The following PLXNA4 variants were observed in gnomAD, a reference collection of about 807,000 sequenced individuals.
PLXNA4 encodes the protein plexin-A4.
In PLXNA4, 44 loss-of-function variants were observed where a neutral mutation model predicts 191.8. That is an observed-to-expected ratio of 0.23 (90% CI 0.18 to 0.29). The LOEUF (loss-of-function observed/expected upper bound fraction) is 0.29, where lower values mean the gene tolerates loss of function less well. PLXNA4 is among the 10% of genes least tolerant of loss of function. The pLI is 1.00. For synonymous variants in PLXNA4, 1,082 were observed against 1,009.5 expected (o/e 1.07, Z -1.36); for missense variants, 1,800 against 2,488.8 (o/e 0.72, Z 5.89).
chr7:132,246,819 C>A (rs977396915), intron 4 of PLXNA4, among the ~76,000 whole-genome samples: 7 of 152,160 alleles, frequency 4.6e-5, no homozygotes, highest in African/African-American at 1.7e-4. Flanking sequence ...TCATCATCAT[C>A]CTCATCACCA....
At chr7:132,174,748 C>G in intron 21 of PLXNA4, 30 bp downstream of exon 21, 1 of 1,608,250 alleles carries the variant, frequency 6.2e-7, no homozygotes, top group Non-Finnish European at 8.5e-7. Flanking sequence ...CTCCCCTGCT[C>G]TAATGCCAGG....
chr7:132,445,989 C>T (rs1016107611), intron 3 of PLXNA4, among the ~76,000 whole-genome samples: 1 of 152,206 alleles, frequency 6.6e-6, no homozygotes, highest in Admixed American at 6.5e-5. Context: ...TGATGTCTCC[C>T]TGGTAGGCTT....
rs61184908 is a variant in PLXNA4, at chr7:132,508,990, G to A, written c.-86-211C>T. On this transcript the variant is annotated intron_variant, in intron 1 of 31. Transcript: ENST00000321063. The surrounding 1 kb of genome is among the most constrained non-coding windows in gnomAD (Gnocchi z 4.4). ...AGCCCCAGGAGGACACATCAGTAACGATAATGGTGGTGATGATAATGACAT... is the reference window on the plus strand; with the variant it reads ...AGCCCCAGGAGGACACATCAGTAACAATAATGGTGGTGATGATAATGACAT... 6.9e-6 allele frequency among the ~76,000 whole-genome samples: 1 copy of A among 144,328 alleles called. No individual in the cohort carries two copies. Among genetic ancestry groups the A allele is most frequent in the African/African-American group, 2.6e-5 (1 of 38,536 alleles). 94.7% of individuals were successfully genotyped at this position (144,328 alleles called of 152,430 possible).
chr7:132,228,273 C>T, intron 6 of PLXNA4, 73 bp downstream of exon 6: 3 of 1,597,008 alleles, frequency 1.9e-6, no homozygotes, highest in Non-Finnish European at 2.6e-6. Context: ...GGGCCTTGGG[C>T]TAAGGCACTT....
intron 22 of PLXNA4, among the ~76,000 whole-genome samples, chr7:132,165,790 G>A (rs1174719555): frequency 6.6e-6 from 1 of 152,074 alleles, no homozygotes; most frequent in South Asian, 2.1e-4. Context: ...GCAGGAGAAG[G>A]GTTCCATGTC....
chr7:132,603,761 C>T (rs1339719509), intron 2 of PLXNA4, among the ~76,000 whole-genome samples: 3 of 152,104 alleles, frequency 2.0e-5, no homozygotes. Flanking sequence ...GCTGTGAGGA[C>T]CGGTGTATAT....
intron 1 of PLXNA4, among the ~76,000 whole-genome samples, chr7:132,574,011 G>C (rs1802105898): frequency 6.6e-6 from 1 of 152,200 alleles, no homozygotes; most frequent in African/African-American, 2.4e-5. Flanking sequence ...AAGAGAGCCA[G>C]GAAAACGTAA....
intron 2 of PLXNA4, among the ~76,000 whole-genome samples, chr7:132,500,303 C>T (rs1345355583): frequency 6.6e-6 from 1 of 152,012 alleles, no homozygotes; most frequent in African/African-American, 2.4e-5. Context: ...ATTAGCTGGT[C>T]GTGGTGGCGC....
intron 2 of PLXNA4, among the ~76,000 whole-genome samples, chr7:132,614,105 T>G (rs1803105885): frequency 6.6e-6 from 1 of 152,238 alleles, no homozygotes; most frequent in Admixed American, 6.5e-5. Context: ...TGAGTCACAT[T>G]TTTCTAGTAG....
At chr7:132,465,978 A>C (rs1391434594) in intron 3 of PLXNA4, among the ~76,000 whole-genome samples, 1 of 152,170 alleles carries the variant, frequency 6.6e-6, no homozygotes, top group Admixed American at 6.5e-5. Context: ...CATGGGCAAC[A>C]CAAGCCACTG....
intron 3 of PLXNA4, among the ~76,000 whole-genome samples, chr7:132,385,501 T>C (rs537223531): frequency 1.3e-5 from 2 of 152,194 alleles, no homozygotes; most frequent in Non-Finnish European, 2.9e-5. Context: ...AAATCCTGGG[T>C]CAACCAAACA....
chr7:132,401,008 C>A (rs901734130), intron 3 of PLXNA4, among the ~76,000 whole-genome samples: 3 of 152,154 alleles, frequency 2.0e-5, no homozygotes, highest in African/African-American at 7.2e-5. Flanking sequence ...AGGACTCCAG[C>A]GACCTGACAT....
At chr7:132,373,415 C>T (rs748883545) in intron 3 of PLXNA4, among the ~76,000 whole-genome samples, 57 of 152,182 alleles carry the variant, frequency 3.7e-4, no homozygotes, top group Non-Finnish European at 5.6e-4. Flanking sequence ...GCCAGGCCTC[C>T]GTAGCTCTGG....
intron 3 of PLXNA4, among the ~76,000 whole-genome samples, chr7:132,327,988 C>A (rs1013390148): frequency 3.3e-5 from 5 of 152,170 alleles, no homozygotes; most frequent in Non-Finnish European, 7.3e-5. Context: ...TAGAAGGAAA[C>A]CAGCGGCAGG....
intron 4 of PLXNA4, among the ~76,000 whole-genome samples, chr7:132,247,823 C>A (rs1435358222): frequency 6.6e-6 from 1 of 152,202 alleles, no homozygotes; most frequent in Non-Finnish European, 1.5e-5. Flanking sequence ...CAAGTCACTC[C>A]ACATGCCTGG....
chr7:132,141,878 C>T (rs562239664), intron 29 of PLXNA4, among the ~76,000 whole-genome samples: 2 of 152,216 alleles, frequency 1.3e-5, no homozygotes, highest in African/African-American at 4.8e-5. Context: ...TACAAGCAGC[C>T]ATCACCACAC....
At chr7:132,236,876 C>T (rs998773839) in intron 5 of PLXNA4, among the ~76,000 whole-genome samples, 3 of 152,180 alleles carry the variant, frequency 2.0e-5, no homozygotes, top group African/African-American at 7.2e-5. Context: ...TCCTTTCTCT[C>T]CTGCTGAGCC....
intron 1 of PLXNA4, among the ~76,000 whole-genome samples, chr7:132,540,569 C>CTTTTTTT (rs71915138): frequency 0.045 from 2,721 of 60,986 alleles, 829 homozygotes; most frequent in Non-Finnish European, 0.05. Context: ...GTGGACCGTT[C>CTTTTTTT]TTTTTTTTTT....
intron 3 of PLXNA4, among the ~76,000 whole-genome samples, chr7:132,388,353 T>A (rs1470377016): frequency 6.6e-6 from 1 of 152,046 alleles, no homozygotes; most frequent in South Asian, 2.1e-4. Context: ...GGACCCCCAA[T>A]GTTAAGTATC....
Sources: gnomAD v4.1 joint callset for allele counts (sites outside exome capture counted in the v4.1 genomes callset) on GRCh38, gnomAD v4.1.1 for gene constraint, Gnocchi (gnomAD v3.1) non-coding constraint, MANE v1.5 for transcripts, NCBI Gene and HGNC (gene_info 2026-07-23, HGNC 2026-07-21) for gene names.